DPP10: variants seen among roughly 807,000 people sequenced by gnomAD.
The protein encoded by DPP10 is dipeptidyl peptidase like 10.
In DPP10, 33 loss-of-function variants were observed where a neutral mutation model predicts 120.9. That is an observed-to-expected ratio of 0.27 (90% CI 0.21 to 0.37). The LOEUF (loss-of-function observed/expected upper bound fraction) is 0.37. Among genes scored for constraint, DPP10 ranks in the 10% least tolerant of loss-of-function variants. The pLI is 1.00. For missense variants in DPP10, 816 were observed against 942.8 expected (o/e 0.87, Z 1.76); for synonymous variants, 337 against 326.1 (o/e 1.03, Z -0.36).
intron 2 of DPP10, among the ~76,000 whole-genome samples, chr2:115,327,557 A>G (rs1199547922): frequency 6.6e-6 from 1 of 152,030 alleles, no homozygotes; most frequent in Admixed American, 6.6e-5. Context: ...CATTTTGAAG[A>G]AAAACACCTG....
intron 1 of DPP10, among the ~76,000 whole-genome samples, chr2:114,767,243 A>G (rs1292872428): frequency 6.8e-6 from 1 of 146,710 alleles, no homozygotes; most frequent in African/African-American, 2.5e-5. Flanking sequence ...TTTAAACTGA[A>G]AGAGTGAAAG....
intron 3 of DPP10, among the ~76,000 whole-genome samples, chr2:115,359,357 G>A (rs964031674): frequency 2.6e-5 from 4 of 152,088 alleles, no homozygotes; most frequent in Non-Finnish European, 4.4e-5. Context: ...TACTTCTCTG[G>A]AAAGGATTTT....
intron 19 of DPP10, among the ~76,000 whole-genome samples, chr2:115,801,658 G>A (rs1170087184): frequency 6.6e-6 from 1 of 152,078 alleles, no homozygotes; most frequent in African/African-American, 2.4e-5. Context: ...AGTGAATTTT[G>A]TCAAAGGCCT....
Position 115,836,144 on chromosome 2 carries a change from T to TA in DPP10, c.1951-13_1951-12insA, listed in dbSNP as rs1689494509. On this transcript the variant is annotated splice_polypyrimidine_tract_variant and intron_variant, in intron 21 of 25. Transcript: ENST00000410059. ...GATATATATATATATATATATATATTTTTCCCCCCCAGGGTTATGGTGGCT... is the reference window on the plus strand; with the variant it reads ...GATATATATATATATATATATATATTATTTCCCCCCCAGGGTTATGGTGGCT... The TA allele has an allele frequency of 1.5e-6, 2 of 1,366,680 alleles. No homozygotes were observed. Among genetic ancestry groups the TA allele is most frequent in the African/African-American group, 1.8e-5 (1 of 56,922 alleles). 84.7% of individuals were successfully genotyped at this position (1,366,680 alleles called of 1,614,324 possible).
At chr2:115,247,162 A>G (rs2058571163) in intron 1 of DPP10, among the ~76,000 whole-genome samples, 1 of 152,156 alleles carries the variant, frequency 6.6e-6, no homozygotes, top group African/African-American at 2.4e-5. Flanking sequence ...TGGTAATGCT[A>G]AGAACAGGAT....
intron 1 of DPP10, among the ~76,000 whole-genome samples, chr2:115,137,551 T>G (rs970731642): frequency 6.6e-6 from 1 of 152,202 alleles, no homozygotes; most frequent in Non-Finnish European, 1.5e-5. Context: ...GAAAGGCACT[T>G]AGGCTGGATA....
At chr2:114,804,352 C>T (rs185015120) in intron 1 of DPP10, among the ~76,000 whole-genome samples, 1,626 of 152,094 alleles carry the variant, frequency 0.011, 12 homozygotes, top group Middle Eastern at 0.024. Flanking sequence ...CACACAGAGT[C>T]CCTACTGGGT....
chr2:115,360,697 G>T (rs2064707559), intron 3 of DPP10, among the ~76,000 whole-genome samples: 1 of 152,206 alleles, frequency 6.6e-6, no homozygotes, highest in South Asian at 2.1e-4. Context: ...GGAGGCCTAG[G>T]CTGGCAGTGC....
intron 12 of DPP10, among the ~76,000 whole-genome samples, chr2:115,763,314 C>T (rs1680330111): frequency 6.6e-6 from 1 of 152,094 alleles, no homozygotes. Flanking sequence ...TTGAGACCTT[C>T]ACATTTATCC....
At chr2:114,624,967 A>G (rs918839911) in intron 1 of DPP10, among the ~76,000 whole-genome samples, 1 of 151,992 alleles carries the variant, frequency 6.6e-6, no homozygotes, top group Admixed American at 6.6e-5. Context: ...ATAATTAAAT[A>G]TGCATCTCCA....
chr2:115,279,955 T>C (rs11691866), intron 1 of DPP10, among the ~76,000 whole-genome samples: 120,607 of 152,030 alleles, frequency 0.79, 48,116 homozygotes, highest in East Asian at 0.89. Flanking sequence ...ATATTGACAC[T>C]TTAAGCTTTC....
chr2:115,459,448 C>T (rs979947162), intron 3 of DPP10, among the ~76,000 whole-genome samples: 2 of 152,086 alleles, frequency 1.3e-5, no homozygotes, highest in African/African-American at 2.4e-5. Context: ...TGAGCTACCA[C>T]GCCCGGCTGT....
intron 1 of DPP10, chr2:115,162,086 C>A: frequency 6.7e-7 from 1 of 1,492,510 alleles, no homozygotes; most frequent in Non-Finnish European, 8.9e-7. Flanking sequence ...AGTGCGCGCT[C>A]CGCCCGCCTC....
At chr2:114,747,961 C>G (rs190391370) in intron 1 of DPP10, among the ~76,000 whole-genome samples, 1 of 151,982 alleles carries the variant, frequency 6.6e-6, no homozygotes, top group African/African-American at 2.4e-5. Context: ...GGTTACTGGC[C>G]CCCCATGAAA....
chr2:115,377,110 C>A (rs1476524859), intron 3 of DPP10, among the ~76,000 whole-genome samples: 3 of 152,114 alleles, frequency 2.0e-5, no homozygotes, highest in East Asian at 1.9e-4. Context: ...AGTTCTAGAT[C>A]CTGGAGGAGT....
intron 1 of DPP10, among the ~76,000 whole-genome samples, chr2:115,040,849 T>C (rs1012980903): frequency 2.6e-5 from 4 of 152,148 alleles, no homozygotes; most frequent in African/African-American, 7.2e-5. Context: ...CCGGGTGTGG[T>C]GTTTCACCCC....
At chr2:115,800,633 C>T (rs1685102995) in intron 19 of DPP10, among the ~76,000 whole-genome samples, 2 of 152,078 alleles carry the variant, frequency 1.3e-5, no homozygotes, top group African/African-American at 4.8e-5. Flanking sequence ...GGGAGGGATC[C>T]AGTTTCAGCT....
At chr2:115,575,405 C>G (rs889064420) in intron 5 of DPP10, among the ~76,000 whole-genome samples, 1 of 152,134 alleles carries the variant, frequency 6.6e-6, no homozygotes, top group African/African-American at 2.4e-5. Context: ...GGAGATATTT[C>G]ACAGGCACCA....
intron 1 of DPP10, among the ~76,000 whole-genome samples, chr2:115,192,347 T>G (rs936671076): frequency 6.6e-6 from 1 of 152,230 alleles, no homozygotes; most frequent in African/African-American, 2.4e-5. Context: ...GGAATGGCCT[T>G]AAGCCTGGAC....
Sources: allele counts gnomAD v4.1 joint callset (sites outside exome capture counted in the v4.1 genomes callset), GRCh38; gene constraint gnomAD v4.1.1; transcripts MANE v1.5; gene names NCBI Gene and HGNC (gene_info 2026-07-23, HGNC 2026-07-21).